Variants in RERE observed in about 807,000 individuals in gnomAD.
The protein encoded by RERE is arginine-glutamic acid dipeptide repeats protein.
RERE carries 40 observed loss-of-function variants against 146.1 expected under a neutral mutation model. The ratio of observed to expected loss-of-function variants is 0.27; its 90% CI spans 0.21 to 0.36. RERE has a LOEUF of 0.36. Ranked by LOEUF, RERE falls within the 10% of genes least tolerant of loss-of-function variation. RERE has a pLI of 1.00. For synonymous variants in RERE, 1,003 were observed against 866.0 expected (o/e 1.16, Z -2.78); for missense variants, 1,933 against 2,138.7 (o/e 0.90, Z 1.90).
intron 1 of RERE, among the ~76,000 whole-genome samples, chr1:8,746,648 G>C (rs1324582715): frequency 6.6e-6 from 1 of 152,022 alleles, no homozygotes; most frequent in East Asian, 1.9e-4. Context: ...ATAAGTCAGA[G>C]ACTATACTGA....
Position 8,354,378 on chromosome 1 carries a change from C to T in RERE, c.*709G>A, listed in dbSNP as rs1475419278. ...GGTCCAAGCCTCTGTCCATGTGGAA[C>T]GCCCCTTTGCTCCCTTTAATTAAAG... On this transcript the variant is annotated 3_prime_UTR_variant, in exon 23 of 23. Transcript: ENST00000400908. The T allele has an allele frequency of 3.9e-5, 6 of 152,588 alleles. No individual in the cohort carries two copies. The highest frequency in any genetic ancestry group is 2.0e-4 in the Admixed American group (3 of 15,282). The allele number at this position is 152,588 out of a possible 1,614,324, so 9.5% of individuals were successfully genotyped here.
chr1:8,700,831 C>T (rs987878884), intron 1 of RERE, among the ~76,000 whole-genome samples: 5 of 152,122 alleles, frequency 3.3e-5, no homozygotes, highest in South Asian at 2.1e-4. Context: ...TCAGCCTACA[C>T]AATAGCAAGC....
At chr1:8,369,212 T>A (rs1442005890) in intron 12 of RERE, among the ~76,000 whole-genome samples, 2 of 151,450 alleles carry the variant, frequency 1.3e-5, no homozygotes, top group Non-Finnish European at 2.9e-5. Flanking sequence ...TTAAAAAAAA[T>A]AAAAGAACAC....
chr1:8,778,813 CAAA>C (rs34675707), intron 1 of RERE, among the ~76,000 whole-genome samples: 1 of 135,162 alleles, frequency 7.4e-6, no homozygotes, highest in African/African-American at 2.7e-5. Context: ...CCTTGTCTCC[CAAA>C]AAAAAAAAAG....
At chr1:8,542,882 C>A (rs1418696634) in intron 6 of RERE, among the ~76,000 whole-genome samples, 3 of 152,156 alleles carry the variant, frequency 2.0e-5, no homozygotes, top group African/African-American at 4.8e-5. Flanking sequence ...TAGAAAGTAT[C>A]TATAGTTCTA....
intron 4 of RERE, among the ~76,000 whole-genome samples, chr1:8,579,978 G>C (rs1646343743): frequency 6.6e-6 from 1 of 152,010 alleles, no homozygotes; most frequent in Admixed American, 6.6e-5. Context: ...ATCCAGCCTG[G>C]GAGAGAGAGA....
intron 7 of RERE, among the ~76,000 whole-genome samples, chr1:8,524,210 C>A (rs1407016645): frequency 6.6e-6 from 1 of 152,172 alleles, no homozygotes; most frequent in Non-Finnish European, 1.5e-5. Flanking sequence ...TAAATATGGT[C>A]ACAATGGGAA....
At chr1:8,762,208 C>A (rs888028096) in intron 1 of RERE, among the ~76,000 whole-genome samples, 1 of 152,138 alleles carries the variant, frequency 6.6e-6, no homozygotes, top group Non-Finnish European at 1.5e-5. Flanking sequence ...TTGACCCTTA[C>A]CAATTTCAGC....
intron 12 of RERE, among the ~76,000 whole-genome samples, chr1:8,413,035 A>G (rs1643656073): frequency 6.6e-6 from 1 of 152,250 alleles, no homozygotes; most frequent in Non-Finnish European, 1.5e-5. Flanking sequence ...TTTAAAAACA[A>G]TGAAGAGTTT....
rs1156861602 is a variant in RERE at position 8,716,976 on chromosome 1, CA to C, written c.-144-60536del. Among the ~76,000 whole-genome samples the C allele has an allele frequency of 2.0e-5, 3 of 151,594 alleles. No individual in the cohort carries two copies. The East Asian group carries it at 5.8e-4, about 29-fold the overall frequency. On this transcript the variant is annotated intron_variant, in intron 1 of 22. Transcript: ENST00000400908. ...CCCCTCGATAATAATAATCTTATAC[CA>C]AAAAGAAAGGAAAAAGACACAATCA...
At chr1:8,656,987 T>C (rs927524148) in intron 1 of RERE, among the ~76,000 whole-genome samples, 11 of 151,974 alleles carry the variant, frequency 7.2e-5, no homozygotes, top group African/African-American at 2.7e-4. Context: ...AAAATAGTAA[T>C]AGTTTGCAGC....
intron 4 of RERE, among the ~76,000 whole-genome samples, chr1:8,588,674 A>C (rs920873970): frequency 6.6e-6 from 1 of 152,242 alleles, no homozygotes; most frequent in African/African-American, 2.4e-5. Flanking sequence ...AAGATGCCAA[A>C]CAAAATCTTT....
intron 7 of RERE, among the ~76,000 whole-genome samples, chr1:8,517,865 G>A (rs754052273): frequency 6.6e-6 from 1 of 152,226 alleles, no homozygotes; most frequent in Non-Finnish European, 1.5e-5. Context: ...GAAGTAAACA[G>A]GGAATGGACA....
chr1:8,590,871 C>CCCACAT (rs1646484234), intron 4 of RERE: 1 of 152,168 alleles, frequency 6.6e-6, no homozygotes, highest in African/African-American at 2.4e-5. Flanking sequence ...AGGGACCACA[C>CCCACAT]GCCTGCTCTC....
In RERE at chr1:8,501,847, C is replaced by A. The variant is rs1188441810; in HGVS notation, c.880-4318G>T. 1.6e-5 allele frequency among the ~76,000 whole-genome samples: 2 copies of A among 121,342 alleles called. 1 individual carries two copies. The highest frequency in any genetic ancestry group is 3.5e-5 in the Non-Finnish European group (2 of 57,104). The allele number at this position is 121,342 out of a possible 152,430, so 79.6% of individuals were successfully genotyped here. A position where few individuals can be genotyped will look rare whatever the true frequency, so the allele number is the denominator to read the frequency against. ...GGCTGCCCGTACTGGGAAGTGAGGA[C>A]CCCTCTGCCCGGCCAGCCGCCCCGT... On this transcript the variant is annotated intron_variant, in intron 8 of 22. Coordinates refer to ENST00000400908, the MANE Select transcript of RERE (RefSeq NM_001042681.2).
At chr1:8,664,061 C>A (rs931997663) in intron 1 of RERE, among the ~76,000 whole-genome samples, 1 of 152,204 alleles carries the variant, frequency 6.6e-6, no homozygotes, top group Non-Finnish European at 1.5e-5. Context: ...ACTTACATCA[C>A]TTCCCCACTA....
intron 1 of RERE, among the ~76,000 whole-genome samples, chr1:8,669,240 TA>T (rs1433236537): frequency 2.0e-5 from 3 of 152,080 alleles, no homozygotes; most frequent in African/African-American, 7.2e-5. Context: ...CACACCCGGC[TA>T]ATTTTTTTGT....
chr1:8,619,261 T>C (rs947297310), intron 3 of RERE, among the ~76,000 whole-genome samples: 1 of 152,186 alleles, frequency 6.6e-6, no homozygotes, highest in Non-Finnish European at 1.5e-5. Context: ...CGAGCCCAGC[T>C]AACCATCACC....
intron 10 of RERE, among the ~76,000 whole-genome samples, chr1:8,484,451 A>C (rs1570315878): frequency 1.4e-5 from 2 of 146,890 alleles, no homozygotes; most frequent in South Asian, 4.2e-4. Flanking sequence ...TTTGAGATGG[A>C]GTCTCGCTCT....
Sources: allele counts gnomAD v4.1 joint callset (sites outside exome capture counted in the v4.1 genomes callset), GRCh38; gene constraint gnomAD v4.1.1; transcripts MANE v1.5; gene names NCBI Gene and HGNC (gene_info 2026-07-23, HGNC 2026-07-21).